The following TAF2 variants were observed in gnomAD, a reference collection of about 807,000 sequenced individuals.
The protein encoded by TAF2 is TATA-box binding protein associated factor 2.
A neutral mutation model predicts 138.5 loss-of-function variants in TAF2; 61 were observed. The ratio of observed to expected loss-of-function variants is 0.44; its 90% CI spans 0.36 to 0.54. The LOEUF is 0.54. Among genes scored for constraint, TAF2 ranks in the 20% least tolerant of loss-of-function variants. TAF2 has a pLI of 0.00. For missense variants in TAF2, 1,090 were observed against 1,427.9 expected (o/e 0.76, Z 3.81); for synonymous variants, 475 against 469.9 (o/e 1.01, Z -0.14).
chr8:119,799,329 C>T (rs897381241), intron 6 of TAF2, among the ~76,000 whole-genome samples: 4 of 151,870 alleles, frequency 2.6e-5, no homozygotes, highest in Non-Finnish European at 4.4e-5. Context: ...ACGACAGGCC[C>T]CGGTGTGTGA....
In TAF2 at chr8:119,773,279, T is replaced by TA. The variant is rs569854432; in HGVS notation, c.2364+4739dup. ...TAATACACTACCATTTCTATTTATG[T>TA]AAAAAAAAATACAAAGAAGTCTTAA... is the stretch of plus-strand genomic sequence containing the variant. On this transcript the variant is annotated intron_variant, in intron 18 of 25. Transcript: ENST00000378164. 9.2e-3 allele frequency among the ~76,000 whole-genome samples: 1,392 copies of TA among 150,614 alleles called. 24 individuals carry two copies. The highest frequency in any genetic ancestry group is 0.032 in the African/African-American group (1,325 of 41,328).
chr8:119,832,599 C>T lies in TAF2; in HGVS notation c.-35G>A. On this transcript the variant is annotated 5_prime_UTR_variant, in exon 1 of 26. Transcript: ENST00000378164. ...CCGCGGAGCTTGGCTTCCCGGCTTC[C>T]TAGGGGGATACGGGGCATTACTAGT... 4 of 1,601,332 alleles carry T rather than the reference C, an allele frequency of 2.5e-6. No individual in the cohort carries two copies. Among genetic ancestry groups the T allele is most frequent in the Non-Finnish European group, 3.4e-6 (4 of 1,172,340 alleles).
At chr8:119,742,188 A>C (rs1044234418) in intron 25 of TAF2, among the ~76,000 whole-genome samples, 1 of 152,198 alleles carries the variant, frequency 6.6e-6, no homozygotes, top group African/African-American at 2.4e-5. Flanking sequence ...ATTTGTCATA[A>C]TATTCTTAGA....
At chr8:119,788,092 G>A (rs1210415380) in intron 14 of TAF2, among the ~76,000 whole-genome samples, 1 of 152,130 alleles carries the variant, frequency 6.6e-6, no homozygotes, top group Non-Finnish European at 1.5e-5. Flanking sequence ...CTGTCAGGAG[G>A]TGGGGGGCTA....
intron 3 of TAF2, among the ~76,000 whole-genome samples, chr8:119,812,750 T>C (rs1297450161): frequency 1.1e-5 from 1 of 88,674 alleles, no homozygotes; most frequent in Non-Finnish European, 2.3e-5. Flanking sequence ...TGTGTGTGTG[T>C]GTATATATGT....
chr8:119,820,520 G>C (rs186661157), intron 2 of TAF2, among the ~76,000 whole-genome samples: 115 of 152,156 alleles, frequency 7.6e-4, no homozygotes, highest in Admixed American at 1.5e-3. Flanking sequence ...AAATACTACT[G>C]TACAGTATTA....
intron 17 of TAF2, 116 bp downstream of exon 17, chr8:119,780,937 A>C (rs74361538): frequency 3.0e-6 from 2 of 661,690 alleles, no homozygotes; most frequent in Non-Finnish European, 4.1e-6. Flanking sequence ...TCTGTCTCAA[A>C]AAAAAAAAAA....
intron 3 of TAF2, among the ~76,000 whole-genome samples, chr8:119,817,769 G>T (rs1329491437): frequency 6.6e-6 from 1 of 152,120 alleles, no homozygotes; most frequent in Non-Finnish European, 1.5e-5. Context: ...GGCTGGATAG[G>T]GTGGATATTT....
intron 2 of TAF2, among the ~76,000 whole-genome samples, chr8:119,820,410 G>A (rs6985027): frequency 6.6e-6 from 1 of 152,160 alleles, no homozygotes; most frequent in East Asian, 1.9e-4. Flanking sequence ...GCTGCTACCA[G>A]GTACCAGACA....
intron 15 of TAF2, 61 bp from the exon 16 acceptor site, chr8:119,783,694 G>A (rs1393473779): frequency 5.3e-6 from 8 of 1,516,968 alleles, no homozygotes; most frequent in Non-Finnish European, 1.8e-6. Flanking sequence ...TATATATTTA[G>A]AAAATAAATA....
chr8:119,773,147 G>C (rs1586387444), intron 18 of TAF2, among the ~76,000 whole-genome samples: 1 of 146,262 alleles, frequency 6.8e-6, no homozygotes, highest in Admixed American at 7.2e-5. Flanking sequence ...TTTTTAAAAA[G>C]ATAGGAGAAG....
At chr8:119,820,975 G>T (rs1194995367) in intron 2 of TAF2, among the ~76,000 whole-genome samples, 1 of 152,106 alleles carries the variant, frequency 6.6e-6, no homozygotes, top group East Asian at 1.9e-4. Flanking sequence ...AATGAGCTTG[G>T]ATCAGCTGAA....
intron 18 of TAF2, 28 bp from the exon 19 acceptor site, chr8:119,762,636 T>A (rs752957477): frequency 5.8e-6 from 9 of 1,551,988 alleles, no homozygotes; most frequent in Non-Finnish European, 7.1e-6. Flanking sequence ...TAAGTGAAGA[T>A]AACAAAATTA....
intron 3 of TAF2, among the ~76,000 whole-genome samples, chr8:119,817,146 C>T (rs1221170076): frequency 6.6e-6 from 1 of 152,182 alleles, no homozygotes. Context: ...TAAATACATT[C>T]CATCTTTCCC....
At chr8:119,752,461 G>C (rs578192078) in intron 22 of TAF2, among the ~76,000 whole-genome samples, 67 of 152,162 alleles carry the variant, frequency 4.4e-4, no homozygotes, top group African/African-American at 1.5e-3. Flanking sequence ...TTCCCTCTGG[G>C]ATATGGTCAC....
intron 3 of TAF2, among the ~76,000 whole-genome samples, chr8:119,815,261 G>A (rs28394804): frequency 0.3 from 45,045 of 151,296 alleles, 7,773 homozygotes; most frequent in African/African-American, 0.47. Flanking sequence ...CAGCCTGGAT[G>A]ACAGAGCGGG....
At chr8:119,767,564 C>A (rs1002999278) in intron 18 of TAF2, among the ~76,000 whole-genome samples, 1 of 152,212 alleles carries the variant, frequency 6.6e-6, no homozygotes, top group East Asian at 1.9e-4. Flanking sequence ...ACTGTAGAGA[C>A]GCTGCTGGAG....
rs185935340 is a variant in TAF2 at position 119,784,507 on chromosome 8, A to T, written c.1859+694T>A. The stretch of plus-strand genomic sequence containing the variant: ...AAGCAAGACTCTGTCTCAAAAAAAA[A>T]TTAACACTGATTTTGAAGGGCAAAC... On this transcript the variant is annotated intron_variant, in intron 15 of 25. Transcript: ENST00000378164. Among the ~76,000 whole-genome samples, 248 of 152,338 alleles carry T rather than the reference A, an allele frequency of 1.6e-3. 1 individual carries two copies. Among genetic ancestry groups the T allele is most frequent in the African/African-American group, 5.6e-3 (234 of 41,584 alleles).
At chr8:119,806,952 G>T (rs539345695) in intron 3 of TAF2, among the ~76,000 whole-genome samples, 3 of 152,054 alleles carry the variant, frequency 2.0e-5, no homozygotes, top group Non-Finnish European at 4.4e-5. Flanking sequence ...CTATTATTAT[G>T]ACTATCACAT....
Sources: gnomAD v4.1 joint callset for allele counts (sites outside exome capture counted in the v4.1 genomes callset) on GRCh38, gnomAD v4.1.1 for gene constraint, MANE v1.5 for transcripts, NCBI Gene and HGNC (gene_info 2026-07-23, HGNC 2026-07-21) for gene names.